UBA3: variants seen among roughly 807,000 people sequenced by gnomAD.
UBA3 encodes NEDD8-activating enzyme E1 catalytic subunit.
Under a neutral mutation model 73.5 loss-of-function variants are expected in UBA3, and 26 were observed. That is an observed-to-expected ratio of 0.35 (90% confidence interval 0.26 to 0.49). The LOEUF is 0.49. UBA3 is among the 20% of genes least tolerant of loss of function. The pLI is 0.98. For synonymous variants in UBA3, 217 were observed against 191.2 expected (o/e 1.13, Z -1.11); for missense variants, 495 against 555.6 (o/e 0.89, Z 1.10).
intron 6 of UBA3, among the ~76,000 whole-genome samples, 156 bp downstream of exon 6, chr3:69,067,772 G>C (rs992520053): frequency 2.0e-5 from 3 of 152,148 alleles, no homozygotes; most frequent in Non-Finnish European, 2.9e-5. Flanking sequence ...TGGAAGAATA[G>C]ATAGCAAAAT....
chr3:69,078,036 G>A lies in UBA3; in HGVS notation c.63-118C>T. The A allele has an allele frequency of 4.7e-6, 6 of 1,273,736 alleles. No individual in the cohort carries two copies. In the South Asian group the frequency reaches 8.8e-5, roughly 19 times the overall value. The allele number at this position is 1,273,736 out of a possible 1,614,324, so 78.9% of individuals were successfully genotyped here. Reference sequence around the variant, plus strand: ...ACACCAGACCTGCTCAAATAAAAAGGAAAATATTCAATGTGATTATGTTTA... The same window carrying A: ...ACACCAGACCTGCTCAAATAAAAAGAAAAATATTCAATGTGATTATGTTTA... On this transcript the variant is annotated intron_variant, in intron 2 of 17. Coordinates refer to ENST00000361055, the MANE Select transcript of UBA3 (RefSeq NM_003968.4).
intron 4 of UBA3, among the ~76,000 whole-genome samples, chr3:69,074,792 T>TTGCATA (rs1486715732): frequency 6.6e-6 from 1 of 152,200 alleles, no homozygotes; most frequent in East Asian, 1.9e-4. Context: ...TATACTTAAT[T>TTGCATA]TATTTCTAAA....
At chr3:69,055,560 A>G in intron 17 of UBA3, 35 bp from the exon 18 acceptor site, 1 of 1,501,070 alleles carries the variant, frequency 6.7e-7, no homozygotes, top group Admixed American at 2.2e-5. Context: ...TACAAGCAAA[A>G]AAAACTCAAC....
intron 6 of UBA3, among the ~76,000 whole-genome samples, chr3:69,066,970 C>A (rs2092076723): frequency 6.6e-6 from 1 of 152,144 alleles, no homozygotes; most frequent in Non-Finnish European, 1.5e-5. Context: ...CTGGTAACGC[C>A]ACTGAGTCTG....
In UBA3 at chr3:69,055,996, T is replaced by C; in HGVS notation, c.1248+4A>G. The C allele has an allele frequency of 6.2e-7, 1 of 1,605,580 alleles. No homozygotes were observed. Among genetic ancestry groups the C allele is most frequent in the South Asian group, 1.1e-5 (1 of 89,100 alleles). ...GAAAAAAATTTAAAATACACATTGATAACCTGTAAGTAAAGTGTTCTATTT... is the reference window on the plus strand; with the variant it reads ...GAAAAAAATTTAAAATACACATTGACAACCTGTAAGTAAAGTGTTCTATTT... On this transcript the variant is annotated splice_donor_region_variant and intron_variant, in intron 16 of 17. Coordinates refer to ENST00000361055, the MANE Select transcript of UBA3 (RefSeq NM_003968.4).
chr3:69,055,637 T>C (rs1455994741), intron 17 of UBA3, 112 bp from the exon 18 acceptor site: 2 of 906,908 alleles, frequency 2.2e-6, no homozygotes, highest in East Asian at 2.8e-5. Context: ...CAAAATCCAA[T>C]CCTCTTTAAT....
intron 5 of UBA3, among the ~76,000 whole-genome samples, chr3:69,068,956 G>A (rs7631719): frequency 0.81 from 123,882 of 152,156 alleles, 50,578 homozygotes; most frequent in East Asian, 0.95. Context: ...GAATATATAA[G>A]GCCTCAAAAG....
intron 6 of UBA3, among the ~76,000 whole-genome samples, chr3:69,064,633 G>A (rs543954660): frequency 1.3e-5 from 2 of 152,150 alleles, no homozygotes; most frequent in South Asian, 2.1e-4. Flanking sequence ...GAAAAAGTAC[G>A]AATTTTTTCT....
chr3:69,075,654 T>C, intron 3 of UBA3, 144 bp from the exon 4 acceptor site: 1 of 342,680 alleles, frequency 2.9e-6, no homozygotes, highest in Non-Finnish European at 5.4e-6. Context: ...TGCTCAATTA[T>C]TTGAAATTTG....
intron 5 of UBA3, among the ~76,000 whole-genome samples, chr3:69,068,712 G>T (rs928172679): frequency 6.6e-6 from 1 of 152,010 alleles, no homozygotes; most frequent in Non-Finnish European, 1.5e-5. Flanking sequence ...TCTCTAGGGA[G>T]GTGAGATTAC....
intron 14 of UBA3, 71 bp downstream of exon 14, chr3:69,056,541 C>G: frequency 7.3e-7 from 1 of 1,360,830 alleles, no homozygotes; most frequent in Non-Finnish European, 1.0e-6. Context: ...TGACTTTGTT[C>G]AAATTTCTAA....
chr3:69,074,748 AAAGTC>A (rs1686491860), intron 4 of UBA3, among the ~76,000 whole-genome samples: 1 of 152,230 alleles, frequency 6.6e-6, no homozygotes, highest in African/African-American at 2.4e-5. Context: ...GTGATTAGAA[AAAGTC>A]AAGGAAACCA....
intron 16 of UBA3, 25 bp from the exon 17 acceptor site, chr3:69,055,930 T>A: frequency 6.2e-7 from 1 of 1,604,102 alleles, no homozygotes; most frequent in African/African-American, 1.3e-5. Flanking sequence ...TACTTTAATG[T>A]AAGACACATT....
At chr3:69,059,225 G>T (rs1307038359) in intron 11 of UBA3, among the ~76,000 whole-genome samples, 1 of 152,172 alleles carries the variant, frequency 6.6e-6, no homozygotes, top group African/African-American at 2.4e-5. Context: ...GTCCATTAGA[G>T]AGAATGGTCA....
At chr3:69,072,850 C>T (rs746131951) in intron 4 of UBA3, among the ~76,000 whole-genome samples, 15 of 152,260 alleles carry the variant, frequency 9.9e-5, no homozygotes, top group African/African-American at 3.1e-4. Flanking sequence ...TCCAGGTGCC[C>T]GCCCCTAGAG....
At chr3:69,072,711 T>C (rs1340342469) in intron 4 of UBA3, among the ~76,000 whole-genome samples, 1 of 152,224 alleles carries the variant, frequency 6.6e-6, no homozygotes, top group Non-Finnish European at 1.5e-5. Context: ...ATATAGACCA[T>C]CTAGCAGACA....
At position 69,065,238 on chromosome 3, in the gene UBA3, C is replaced by T. The variant is rs80012831; in HGVS notation, c.429-1127G>A. Among the ~76,000 whole-genome samples, 1,321 of 151,902 alleles carry T rather than the reference C, an allele frequency of 8.7e-3. 138 individuals carry two copies. The East Asian group carries it at 0.21, about 24-fold the overall frequency. On this transcript the variant is annotated intron_variant, in intron 6 of 17. Coordinates refer to ENST00000361055, the MANE Select transcript of UBA3 (RefSeq NM_003968.4). ...AACTGAGTGCCCCCCACTAACCAAC[C>T]CACCCCCACCAACTCTTCCTTTTTC...
At chr3:69,076,725 C>T (rs960948850) in intron 3 of UBA3, among the ~76,000 whole-genome samples, 1 of 151,984 alleles carries the variant, frequency 6.6e-6, no homozygotes, top group African/African-American at 2.4e-5. Context: ...CATGTATCAT[C>T]ATGCACAGCT....
intron 17 of UBA3, 109 bp downstream of exon 17, chr3:69,055,742 C>A: frequency 9.3e-7 from 1 of 1,071,442 alleles, no homozygotes; most frequent in Non-Finnish European, 1.4e-6. Context: ...TAATTATTAC[C>A]TGACCATATA....
Sources: gnomAD v4.1 joint callset for allele counts (sites outside exome capture counted in the v4.1 genomes callset) on GRCh38, gnomAD v4.1.1 for gene constraint, MANE v1.5 for transcripts, NCBI Gene and HGNC (gene_info 2026-07-23, HGNC 2026-07-21) for gene names.